MNAT1: variants seen among roughly 807,000 people sequenced by gnomAD.
The protein encoded by MNAT1 is CDK-activating kinase assembly factor MAT1.
In MNAT1, 43 loss-of-function variants were observed where a neutral mutation model predicts 42.0. That is an observed-to-expected ratio of 1.02 (90% CI 0.80 to 1.32). The LOEUF (loss-of-function observed/expected upper bound fraction) is 1.32, where lower values mean the gene tolerates loss of function less well. MNAT1 is among the 40% of genes most tolerant of loss of function. The pLI is 0.00. For synonymous variants in MNAT1, 118 were observed against 120.0 expected (o/e 0.98, Z 0.11); for missense variants, 306 against 350.4 (o/e 0.87, Z 1.01).
chr14:60,788,516 G>T (rs2031722107), intron 1 of MNAT1, among the ~76,000 whole-genome samples: 1 of 152,138 alleles, frequency 6.6e-6, no homozygotes, highest in South Asian at 2.1e-4. Context: ...CCAGGCATTG[G>T]CTTCTCCTCT....
chr14:60,904,582 G>A (rs2035152480), intron 7 of MNAT1, among the ~76,000 whole-genome samples: 1 of 152,146 alleles, frequency 6.6e-6, no homozygotes, highest in Non-Finnish European at 1.5e-5. Context: ...GCTGAATGAG[G>A]CTGTTTAGTC....
chr14:60,870,812 C>T (rs1461957224), intron 6 of MNAT1, among the ~76,000 whole-genome samples: 1 of 152,054 alleles, frequency 6.6e-6, no homozygotes, highest in Non-Finnish European at 1.5e-5. Context: ...AGTAAATTTA[C>T]AGAATTTTGT....
chr14:60,798,710 A>C (rs953728654), intron 3 of MNAT1, among the ~76,000 whole-genome samples: 2 of 152,188 alleles, frequency 1.3e-5, no homozygotes, highest in African/African-American at 4.8e-5. Flanking sequence ...GATTTTATCA[A>C]GAAAAAATGA....
chr14:60,850,006 G>C (rs1223689546), intron 6 of MNAT1, among the ~76,000 whole-genome samples: 1 of 151,806 alleles, frequency 6.6e-6, no homozygotes, highest in Non-Finnish European at 1.5e-5. Context: ...CAGGCTAGTT[G>C]TTGTATTTTT....
intron 1 of MNAT1, among the ~76,000 whole-genome samples, chr14:60,746,626 A>T (rs1896624118): frequency 6.6e-6 from 1 of 151,112 alleles, no homozygotes; most frequent in South Asian, 2.1e-4. Flanking sequence ...AGTATGAGGG[A>T]TGGTGCTGAT....
chr14:60,737,950 G>T (rs1896353483), intron 1 of MNAT1, among the ~76,000 whole-genome samples: 1 of 150,264 alleles, frequency 6.7e-6, no homozygotes. Flanking sequence ...CCGGGTTCAC[G>T]CCATTGTCCT....
chr14:60,807,923 A>C (rs2032424167), intron 3 of MNAT1, among the ~76,000 whole-genome samples: 1 of 152,074 alleles, frequency 6.6e-6, no homozygotes, highest in Non-Finnish European at 1.5e-5. Context: ...AAATTATAAA[A>C]ATATATGATT....
intron 7 of MNAT1, among the ~76,000 whole-genome samples, chr14:60,937,094 T>C (rs937303343): frequency 6.6e-6 from 1 of 151,940 alleles, no homozygotes; most frequent in Non-Finnish European, 1.5e-5. Flanking sequence ...TCTTGTAAAT[T>C]TGTTTGAGTT....
intron 6 of MNAT1, among the ~76,000 whole-genome samples, chr14:60,843,952 A>G (rs1480473673): frequency 1.3e-5 from 2 of 152,050 alleles, no homozygotes; most frequent in Non-Finnish European, 2.9e-5. Context: ...ATCTTGTATT[A>G]ATTTTTATGT....
At chr14:60,895,929 T>G (rs2034948589) in intron 7 of MNAT1, among the ~76,000 whole-genome samples, 1 of 152,200 alleles carries the variant, frequency 6.6e-6, no homozygotes, top group South Asian at 2.1e-4. Context: ...AAGATAATTT[T>G]AATTATGTAT....
At chr14:60,751,362 A>G (rs2030084875) in intron 1 of MNAT1, among the ~76,000 whole-genome samples, 1 of 152,006 alleles carries the variant, frequency 6.6e-6, no homozygotes, top group Non-Finnish European at 1.5e-5. Context: ...ACTTAGAACA[A>G]TTTTCTCTTT....
chr14:60,737,771 C>G (rs1438919651), intron 1 of MNAT1, among the ~76,000 whole-genome samples: 1 of 151,844 alleles, frequency 6.6e-6, no homozygotes. Context: ...CATGGTTGTT[C>G]CTACCTGTAA....
At chr14:60,800,659 C>G (rs2032173941) in intron 3 of MNAT1, among the ~76,000 whole-genome samples, 1 of 152,158 alleles carries the variant, frequency 6.6e-6, no homozygotes, top group South Asian at 2.1e-4. Flanking sequence ...TAGAGAATGA[C>G]TATATACTTC....
chr14:60,849,180 T>A (rs898575884), intron 6 of MNAT1, among the ~76,000 whole-genome samples: 23 of 152,320 alleles, frequency 1.5e-4, no homozygotes, highest in Admixed American at 1.1e-3. Flanking sequence ...CATTTGAGAA[T>A]CACTGACTTA....
chr14:60,773,370 A>G (rs2031135118), intron 1 of MNAT1, among the ~76,000 whole-genome samples: 1 of 152,206 alleles, frequency 6.6e-6, no homozygotes, highest in South Asian at 2.1e-4. Flanking sequence ...ATTTGCACCA[A>G]AACACAGGGC....
At chr14:60,935,393 A>G (rs1463096484) in intron 7 of MNAT1, among the ~76,000 whole-genome samples, 1 of 144,122 alleles carries the variant, frequency 6.9e-6, no homozygotes, top group Non-Finnish European at 1.5e-5. Context: ...TACTTTATAT[A>G]AAGTGCAAGA....
chr14:60,748,511 G>A lies in MNAT1; in HGVS notation c.89+13560G>A, dbSNP rs189286950. Among the ~76,000 whole-genome samples the A allele has an allele frequency of 2.5e-3, 385 of 152,284 alleles. 3 individuals are homozygous for A. The highest frequency in any genetic ancestry group is 5.0e-3 in the African/African-American group (206 of 41,572). ...CTCCCAAAGTGCTGGGATTGCAGGC[G>A]TGAGCCACTACACGTGGCCCTATTT... On this transcript the variant is annotated intron_variant, in intron 1 of 7. Transcript: ENST00000261245.
intron 3 of MNAT1, among the ~76,000 whole-genome samples, chr14:60,805,373 T>TA (rs2032334910): frequency 1.3e-5 from 2 of 152,172 alleles, no homozygotes; most frequent in Non-Finnish European, 2.9e-5. Context: ...ACCAGAGTGG[T>TA]ACATTGTTAC....
intron 1 of MNAT1, among the ~76,000 whole-genome samples, chr14:60,785,033 A>G (rs2031601996): frequency 6.6e-6 from 1 of 151,902 alleles, no homozygotes. Context: ...TTGTATTTTT[A>G]GTAGAGATGG....
Sources: allele counts gnomAD v4.1 joint callset (sites outside exome capture counted in the v4.1 genomes callset), GRCh38; gene constraint gnomAD v4.1.1; transcripts MANE v1.5; gene names NCBI Gene and HGNC (gene_info 2026-07-23, HGNC 2026-07-21).